The following PAK5 variants were observed in gnomAD, a reference collection of about 807,000 sequenced individuals.
The protein encoded by PAK5 is serine/threonine-protein kinase PAK 5.
Under a neutral mutation model 65.9 loss-of-function variants are expected in PAK5, and 16 were observed. The ratio of observed to expected loss-of-function variants is 0.24; its 90% CI spans 0.16 to 0.37. PAK5 has a LOEUF of 0.37. Among genes scored for constraint, PAK5 ranks in the 10% least tolerant of loss-of-function variants. The pLI is 1.00. For missense variants in PAK5, 785 were observed against 903.9 expected (o/e 0.87, Z 1.69); for synonymous variants, 371 against 354.9 (o/e 1.05, Z -0.51).
chr20:9,703,274 A>G (rs1340712165), intron 2 of PAK5, among the ~76,000 whole-genome samples: 2 of 152,112 alleles, frequency 1.3e-5, no homozygotes, highest in Non-Finnish European at 2.9e-5. Flanking sequence ...ATCAATGAAT[A>G]CCCTCTGATC....
At chr20:9,661,621 T>C (rs8124197) in intron 2 of PAK5, among the ~76,000 whole-genome samples, 51,710 of 151,962 alleles carry the variant, frequency 0.34, 9,487 homozygotes, top group Non-Finnish European at 0.42. Context: ...CCACCTCTCA[T>C]AACTGGTCTT....
intron 1 of PAK5, among the ~76,000 whole-genome samples, chr20:9,741,046 C>T (rs2048445716): frequency 1.3e-5 from 2 of 152,180 alleles, no homozygotes; most frequent in Admixed American, 1.3e-4. Flanking sequence ...AATGCACTGT[C>T]AAACTCTACC....
intron 1 of PAK5, among the ~76,000 whole-genome samples, chr20:9,769,792 A>G (rs1444832572): frequency 6.6e-6 from 1 of 152,218 alleles, no homozygotes; most frequent in African/African-American, 2.4e-5. Flanking sequence ...TCTTCTTTTA[A>G]TCAGTGTTAA....
At chr20:9,797,380 G>A (rs2123728323) in intron 1 of PAK5, among the ~76,000 whole-genome samples, 1 of 151,458 alleles carries the variant, frequency 6.6e-6, no homozygotes, top group Middle Eastern at 3.4e-3. Flanking sequence ...ATCATTCTCA[G>A]CAAACTATCG....
intron 1 of PAK5, among the ~76,000 whole-genome samples, chr20:9,715,735 T>C (rs1199493503): frequency 6.6e-6 from 1 of 152,104 alleles, no homozygotes; most frequent in African/African-American, 2.4e-5. Context: ...GATGAGTTCA[T>C]GTCCTTTGTA....
intron 7 of PAK5, among the ~76,000 whole-genome samples, chr20:9,553,735 T>C (rs2045465879): frequency 6.6e-6 from 1 of 152,200 alleles, no homozygotes; most frequent in African/African-American, 2.4e-5. Context: ...TAATACTATT[T>C]GTTTAATCAT....
At chr20:9,823,434 G>A (rs1387582476) in intron 1 of PAK5, among the ~76,000 whole-genome samples, 1 of 152,230 alleles carries the variant, frequency 6.6e-6, no homozygotes, top group Non-Finnish European at 1.5e-5. Context: ...TGTCAAGGGT[G>A]GGGCTAGGTG....
chr20:9,698,940 A>G (rs2047904107), intron 2 of PAK5, among the ~76,000 whole-genome samples: 1 of 152,222 alleles, frequency 6.6e-6, no homozygotes, highest in African/African-American at 2.4e-5. Flanking sequence ...AATTTTTCCT[A>G]TCTTTCCTGC....
chr20:9,660,012 G>A (rs936985942), intron 2 of PAK5, among the ~76,000 whole-genome samples: 16 of 152,130 alleles, frequency 1.1e-4, no homozygotes, highest in African/African-American at 3.6e-4. Flanking sequence ...GATGAACTGA[G>A]AGTCACAATA....
At chr20:9,550,682 C>T (rs2045413007) in intron 7 of PAK5, among the ~76,000 whole-genome samples, 1 of 151,880 alleles carries the variant, frequency 6.6e-6, no homozygotes, top group South Asian at 2.1e-4. Context: ...CAGTAGGACT[C>T]TGTGAAGAAG....
At position 9,797,422 on chromosome 20, in the gene PAK5, C is replaced by G. The variant is rs188021453; in HGVS notation, c.-162+41340G>C. On this transcript the variant is annotated intron_variant, in intron 1 of 9. Coordinates refer to ENST00000353224, the MANE Select transcript of PAK5 (RefSeq NM_177990.4). The stretch of plus-strand genomic sequence containing the variant: ...CAAAAAACCAAACACCACATGTCCT[C>G]ATTCATAGGCGGGAATTGAACAATG... Among the ~76,000 whole-genome samples, 122 of 147,642 alleles carry G rather than the reference C, an allele frequency of 8.3e-4. 1 individual carries two copies. In the Middle Eastern group the frequency reaches 0.021, roughly 26 times the overall value.
intron 2 of PAK5, among the ~76,000 whole-genome samples, chr20:9,695,864 C>T (rs2047862215): frequency 7.1e-6 from 1 of 140,274 alleles, no homozygotes; most frequent in South Asian, 2.5e-4. Flanking sequence ...AACCAACCCT[C>T]AGCATATACA....
At chr20:9,599,482 T>C (rs2046324451) in intron 3 of PAK5, among the ~76,000 whole-genome samples, 1 of 152,228 alleles carries the variant, frequency 6.6e-6, no homozygotes, top group Non-Finnish European at 1.5e-5. Context: ...TGCATGAGGA[T>C]GCCAATGTCT....
chr20:9,731,010 G>T (rs1199136068), intron 1 of PAK5, among the ~76,000 whole-genome samples: 1 of 152,194 alleles, frequency 6.6e-6, no homozygotes, highest in Non-Finnish European at 1.5e-5. Context: ...GAAAGCTTGG[G>T]TGGATATTAT....
intron 2 of PAK5, among the ~76,000 whole-genome samples, chr20:9,652,298 G>C (rs1328736594): frequency 1.3e-5 from 2 of 152,046 alleles, no homozygotes; most frequent in Non-Finnish European, 1.5e-5. Context: ...TCAGAATCAA[G>C]AACAAAAGAT....
intron 3 of PAK5, among the ~76,000 whole-genome samples, chr20:9,591,348 G>A (rs964515994): frequency 1.3e-5 from 2 of 152,098 alleles, no homozygotes; most frequent in Non-Finnish European, 2.9e-5. Flanking sequence ...ACTCTCAGGA[G>A]TAGAAAGGAT....
chr20:9,814,191 A>C (rs931504505), intron 1 of PAK5, among the ~76,000 whole-genome samples: 7 of 152,160 alleles, frequency 4.6e-5, no homozygotes, highest in African/African-American at 1.7e-4. Flanking sequence ...ATGTTAGAAA[A>C]GGGTACTATA....
At chr20:9,715,181 A>T (rs1248417971) in intron 1 of PAK5, among the ~76,000 whole-genome samples, 1 of 152,194 alleles carries the variant, frequency 6.6e-6, no homozygotes, top group Non-Finnish European at 1.5e-5. Context: ...TCTACAAAGA[A>T]CTCAAACAAA....
At chr20:9,687,026 C>T (rs2047728286) in intron 2 of PAK5, among the ~76,000 whole-genome samples, 1 of 152,174 alleles carries the variant, frequency 6.6e-6, no homozygotes, top group Admixed American at 6.5e-5. Context: ...AATTATCTCA[C>T]CTAAGAGGCA....
Sources: allele counts gnomAD v4.1 joint callset (sites outside exome capture counted in the v4.1 genomes callset), GRCh38; gene constraint gnomAD v4.1.1; transcripts MANE v1.5; gene names NCBI Gene and HGNC (gene_info 2026-07-23, HGNC 2026-07-21).